NTSR1: variants seen among roughly 807,000 people sequenced by gnomAD.
NTSR1 encodes neurotensin receptor 1.
In NTSR1, 29 loss-of-function variants were observed where a neutral mutation model predicts 31.2. The observed-to-expected ratio is 0.93, with a 90% CI of 0.69 to 1.27. The LOEUF is 1.27. Ranked by LOEUF, NTSR1 falls within the 50% of genes most tolerant of loss-of-function variation. The pLI, the probability that NTSR1 is intolerant of heterozygous loss-of-function variation, is 0.00. For missense variants in NTSR1, 697 were observed against 595.4 expected (o/e 1.17, Z -1.78); for synonymous variants, 282 against 269.9 (o/e 1.04, Z -0.44).
intron 1 of NTSR1, among the ~76,000 whole-genome samples, chr20:62,737,252 G>A (rs112925584): frequency 3.3e-5 from 5 of 151,972 alleles, no homozygotes; most frequent in East Asian, 1.9e-4. Flanking sequence ...GCTCATGTAC[G>A]TACTGCTATG....
At chr20:62,712,357 A>G (rs1194824069) in intron 1 of NTSR1, among the ~76,000 whole-genome samples, 4 of 152,238 alleles carry the variant, frequency 2.6e-5, no homozygotes, top group Non-Finnish European at 5.9e-5. Flanking sequence ...GTGTTGGGGC[A>G]GTGGCCAATC....
chr20:62,753,767 T>C (rs577660246), intron 1 of NTSR1, among the ~76,000 whole-genome samples: 100 of 152,348 alleles, frequency 6.6e-4, no homozygotes, highest in African/African-American at 2.2e-3. Context: ...GGTTTCTCCA[T>C]TGGAAGCCGG....
chr20:62,731,930 C>T (rs576333903), intron 1 of NTSR1, among the ~76,000 whole-genome samples: 15 of 152,196 alleles, frequency 9.9e-5, no homozygotes, highest in African/African-American at 3.4e-4. Context: ...GCCAGTCTGG[C>T]CAATATAGTG....
At chr20:62,737,772 G>A (rs937074648) in intron 1 of NTSR1, among the ~76,000 whole-genome samples, 8 of 151,702 alleles carry the variant, frequency 5.3e-5, no homozygotes, top group African/African-American at 1.2e-4. Flanking sequence ...TGGCTGCAGC[G>A]GCCTCCTGCT....
At chr20:62,737,587 C>A (rs972371696) in intron 1 of NTSR1, among the ~76,000 whole-genome samples, 1 of 152,116 alleles carries the variant, frequency 6.6e-6, no homozygotes, top group Non-Finnish European at 1.5e-5. Flanking sequence ...TTGCCCCACT[C>A]GGCCTGAGGA....
At chr20:62,724,765 A>C (rs979774554) in intron 1 of NTSR1, among the ~76,000 whole-genome samples, 7 of 152,086 alleles carry the variant, frequency 4.6e-5, no homozygotes, top group Non-Finnish European at 1.0e-4. Context: ...CCAGGCCCAC[A>C]CTCCGCGGAG....
In NTSR1 at chr20:62,743,562, G is replaced by A. The variant is rs978716181; in HGVS notation, c.715-11123G>A. 2.0e-4 allele frequency among the ~76,000 whole-genome samples: 31 copies of A among 152,184 alleles called. No individual in the cohort carries two copies. The highest frequency in any genetic ancestry group is 7.2e-4 in the African/African-American group (30 of 41,454). Reference sequence around the variant, plus strand: ...CCAGCCCAGCAAGGCCACCCCAGCGGTCACCCCCTTGGGAGGGTGTGGACA... The same window carrying A: ...CCAGCCCAGCAAGGCCACCCCAGCGATCACCCCCTTGGGAGGGTGTGGACA... On this transcript the variant is annotated intron_variant, in intron 1 of 3. Transcript: ENST00000370501. The surrounding 1 kb of genome is among the most constrained non-coding windows in gnomAD (Gnocchi z 7.5).
In NTSR1 at chr20:62,743,331, A is replaced by G. The variant is rs1989236949; in HGVS notation, c.715-11354A>G. On this transcript the variant is annotated intron_variant, in intron 1 of 3. Transcript: ENST00000370501. The surrounding 1 kb of genome is among the most constrained non-coding windows in gnomAD (Gnocchi z 7.5). Reference sequence around the variant, plus strand: ...CCCTGGCACACAGGGTTTCTGAATTAACTCTGCCATCGTTCCTGGCCTCAG... The same window carrying G: ...CCCTGGCACACAGGGTTTCTGAATTGACTCTGCCATCGTTCCTGGCCTCAG... Among the ~76,000 whole-genome samples the G allele has an allele frequency of 7.3e-6, 1 of 137,194 alleles. No homozygotes were observed. The highest frequency in any genetic ancestry group is 1.5e-5 in the Non-Finnish European group (1 of 67,618). 90.0% of individuals were successfully genotyped at this position (137,194 alleles called of 152,430 possible).
intron 1 of NTSR1, among the ~76,000 whole-genome samples, chr20:62,731,705 C>A (rs1362550689): frequency 6.6e-6 from 1 of 152,184 alleles, no homozygotes; most frequent in Non-Finnish European, 1.5e-5. Flanking sequence ...GAAAGACAGT[C>A]TTTTCAACAT....
chr20:62,754,099 G>A (rs868411903), intron 1 of NTSR1, among the ~76,000 whole-genome samples: 1 of 152,212 alleles, frequency 6.6e-6, no homozygotes, highest in South Asian at 2.1e-4. Flanking sequence ...GAAGCTAGAG[G>A]TGGGGAGTGG....
In NTSR1 at chr20:62,722,833, C is replaced by T. The variant is rs112335216; in HGVS notation, c.714+12912C>T. On this transcript the variant is annotated intron_variant, in intron 1 of 3. Coordinates refer to ENST00000370501, the MANE Select transcript of NTSR1 (RefSeq NM_002531.3). ...AGGAGAGCTAGTCCAGTACCCCTGG[C>T]GAAAGTCATCCGTAGATTTTAAACA... is the stretch of plus-strand genomic sequence containing the variant. Among the ~76,000 whole-genome samples the T allele has an allele frequency of 3.1e-3, 479 of 152,246 alleles. 6 individuals are homozygous for T. The highest frequency in any genetic ancestry group is 0.011 in the African/African-American group (450 of 41,528).
chr20:62,739,383 A>G (rs924958669), intron 1 of NTSR1, among the ~76,000 whole-genome samples: 2 of 152,224 alleles, frequency 1.3e-5, no homozygotes, highest in African/African-American at 2.4e-5. Flanking sequence ...AGCCCCTGGA[A>G]TCACACAGAA....
intron 1 of NTSR1, among the ~76,000 whole-genome samples, chr20:62,734,911 C>T (rs945198154): frequency 7.9e-5 from 12 of 152,202 alleles, no homozygotes; most frequent in African/African-American, 2.4e-4. Context: ...CCTATTTCCA[C>T]GGGACTGTGC....
intron 1 of NTSR1, among the ~76,000 whole-genome samples, chr20:62,712,261 C>A (rs548718164): frequency 2.6e-4 from 39 of 152,338 alleles, no homozygotes; most frequent in African/African-American, 8.9e-4. Flanking sequence ...GGGCAAACAT[C>A]CACGGTTTTC....
rs1420661211 is a variant in NTSR1 at position 62,741,556 on chromosome 20, C to G, written c.715-13129C>G. Among the ~76,000 whole-genome samples the G allele has an allele frequency of 2.7e-5, 4 of 149,558 alleles. No homozygotes were observed. The highest frequency in any genetic ancestry group is 5.9e-5 in the Non-Finnish European group (4 of 68,018). On this transcript the variant is annotated intron_variant, in intron 1 of 3. Transcript: ENST00000370501. The surrounding 1 kb of genome is among the most constrained non-coding windows in gnomAD (Gnocchi z 4.3). Reference sequence around the variant, plus strand: ...TTCCTCCCACCCCATGTCTGTGCGCCCCTTCGAGCATGCCTGGGCATTGTC... The same window carrying G: ...TTCCTCCCACCCCATGTCTGTGCGCGCCTTCGAGCATGCCTGGGCATTGTC...
At chr20:62,748,201 T>C (rs1419682937) in intron 1 of NTSR1, among the ~76,000 whole-genome samples, 1 of 150,140 alleles carries the variant, frequency 6.7e-6, no homozygotes, top group Non-Finnish European at 1.5e-5. Flanking sequence ...AAAAATCCCA[T>C]TTACAATAGC....
At position 62,754,807 on chromosome 20, in the gene NTSR1, C is replaced by A; in HGVS notation, c.837C>A (p.Val279=). 1.2e-6 allele frequency: 2 copies of A among 1,610,630 alleles called. No homozygotes were observed. Among genetic ancestry groups the A allele is most frequent in the South Asian group, 2.2e-5 (2 of 91,072 alleles). The change falls in exon 2 of 4, where the codon GTC becomes GTA. Residue 279 remains valine (V), a synonymous_variant. Coordinates refer to ENST00000370501, the MANE Select transcript of NTSR1 (RefSeq NM_002531.3). ...CCGAGCAGGGCCAAGTGTGCACGGT[C>A]GGGGGCGAGCACAGCACATTCAGCA... ...QAAEQGQVCT[V]GGEHSTFSMA...
chr20:62,754,874 G>A lies in NTSR1; in HGVS notation c.904G>A (p.Val302Met), dbSNP rs200139589. The A allele has an allele frequency of 4.2e-5, 67 of 1,600,528 alleles. No homozygotes were observed. The East Asian group carries it at 4.2e-4, about 10-fold the overall frequency. ...CAGGGTCCAGGCCCTGCGGCACGGC[G>A]TGCGCGTCCTACGTACGTAACCTCT... ...PGRVQALRHGVRVLRAVVIAF... is the reference protein window; with the variant it reads ...PGRVQALRHGMRVLRAVVIAF... Residue 302 changes from valine to methionine, a missense_variant, in exon 2 of 4, where the codon GTG becomes ATG. Physicochemically the swap from Val to Met is conservative, Grantham distance 21. Transcript: ENST00000370501.
At chr20:62,737,960 C>T (rs1347276242) in intron 1 of NTSR1, among the ~76,000 whole-genome samples, 1 of 87,666 alleles carries the variant, frequency 1.1e-5, no homozygotes, top group Non-Finnish European at 2.0e-5. Context: ...AAAGCTCCCT[C>T]CTCTGGAAAA....
Sources: gnomAD v4.1 joint callset for allele counts (sites outside exome capture counted in the v4.1 genomes callset) on GRCh38, gnomAD v4.1.1 for gene constraint, Gnocchi (gnomAD v3.1) non-coding constraint, MANE v1.5 for transcripts, NCBI Gene and HGNC (gene_info 2026-07-23, HGNC 2026-07-21) for gene names.